Variants in CDON observed in about 807,000 individuals in gnomAD.
The protein encoded by CDON is cell adhesion molecule-related/down-regulated by oncogenes.
Under a neutral mutation model 120.9 loss-of-function variants are expected in CDON, and 73 were observed. The ratio of observed to expected loss-of-function variants is 0.60; its 90% CI spans 0.50 to 0.73. CDON has a LOEUF of 0.73. Ranked by LOEUF, CDON falls within the 30% of genes least tolerant of loss-of-function variation. The pLI is 0.00. For synonymous variants in CDON, 566 were observed against 573.5 expected, an observed-to-expected ratio of 0.99 and a Z score of 0.19; for missense variants, 1,470 against 1,587.3, an observed-to-expected ratio of 0.93 and a Z score of 1.26.
intron 7 of CDON, 100 bp downstream of exon 7, chr11:126,015,141 G>A (rs549463852): frequency 1.3e-4 from 152 of 1,157,646 alleles, no homozygotes; most frequent in Admixed American, 2.1e-4. Flanking sequence ...TACGGTGCTA[G>A]GGTTATTTTC....
intron 2 of CDON, 107 bp downstream of exon 2, chr11:126,023,294 C>T (rs1044173392): frequency 1.6e-5 from 13 of 828,572 alleles, no homozygotes; most frequent in Non-Finnish European, 2.6e-5. Flanking sequence ...ATCTTAGAAA[C>T]ATCTTTAGAT....
intron 14 of CDON, among the ~76,000 whole-genome samples, chr11:125,992,674 T>C (rs1946664999): frequency 6.6e-6 from 1 of 152,226 alleles, no homozygotes; most frequent in African/African-American, 2.4e-5. Context: ...AATTGGATCA[T>C]AAATTTCTCA....
intron 2 of CDON, 113 bp from the exon 3 acceptor site, chr11:126,021,633 T>G (rs924440526): frequency 1.1e-6 from 1 of 912,552 alleles, no homozygotes; most frequent in Non-Finnish European, 1.6e-6. Context: ...GGCAATCTTT[T>G]ATTTTATATA....
intron 18 of CDON, among the ~76,000 whole-genome samples, chr11:125,966,390 C>A (rs1945800742): frequency 6.6e-6 from 1 of 152,150 alleles, no homozygotes; most frequent in African/African-American, 2.4e-5. Flanking sequence ...ATGCTGGGCA[C>A]AGGCGAACAG....
rs375889178 is a variant in CDON, at chr11:126,005,839, G to A, written c.1771C>T (p.Pro591Ser). The A allele has an allele frequency of 6.6e-5, 106 of 1,614,008 alleles. No individual in the cohort carries two copies. The highest frequency in any genetic ancestry group is 8.8e-5 in the Non-Finnish European group (104 of 1,180,018). Residue 591 changes from proline to serine, a missense_variant, in exon 9 of 20, where the codon CCA (proline) becomes TCA (serine). Physicochemically the swap from Pro to Ser is moderately conservative, Grantham distance 74 (BLOSUM62 -1). Transcript: ENST00000531738. ...IILSPPQTHT[P>S]DTYNLVWRAG... is the part of the protein sequence containing the mutation. ...CTCCACACCAGGTTGTACGTGTCTG[G>A]TGTGTGGGTCTGTGGGGGGCTCAGT...
intron 14 of CDON, among the ~76,000 whole-genome samples, chr11:125,990,137 C>T (rs889159003): frequency 3.7e-4 from 57 of 152,252 alleles, no homozygotes; most frequent in African/African-American, 1.3e-3. Flanking sequence ...CCATGTTCCC[C>T]CACCAAAAAG....
At position 126,001,828 on chromosome 11, in the gene CDON, GT is replaced by G. The variant is rs746666095; in HGVS notation, c.2048del (p.Asn683ThrfsTer79). ...TSKEKTASSK[N>X]TQASSPPVGI... Reference sequence around the variant, plus strand: ...CCACGGGTGGAGAGGATGCCTGGGTGTTTTTTGATGACGCTGTTTTTTCTAG... The same window carrying G: ...CCACGGGTGGAGAGGATGCCTGGGTGTTTTTGATGACGCTGTTTTTTCTAG... On this transcript the variant is annotated frameshift_variant, in exon 11 of 20. Coordinates refer to ENST00000531738, the MANE Select transcript of CDON (RefSeq NM_001378964.1). LOFTEE classifies it high-confidence loss of function. 1 of 1,605,576 alleles carries G rather than the reference GT, an allele frequency of 6.2e-7. No homozygotes were observed. The highest frequency in any genetic ancestry group is 8.5e-7 in the Non-Finnish European group (1 of 1,172,174).
At chr11:126,012,813 C>T (rs912157007) in intron 7 of CDON, among the ~76,000 whole-genome samples, 2 of 152,174 alleles carry the variant, frequency 1.3e-5, no homozygotes, top group African/African-American at 4.8e-5. Context: ...ATCATAATGG[C>T]CAGCAAACTA....
intron 1 of CDON, among the ~76,000 whole-genome samples, chr11:126,025,329 A>C (rs1314154052): frequency 6.6e-6 from 1 of 152,228 alleles, no homozygotes; most frequent in African/African-American, 2.4e-5. Context: ...AGGACTACTG[A>C]AGGTCATTGG....
chr11:125,995,991 A>T (rs568190400), intron 12 of CDON, among the ~76,000 whole-genome samples: 1 of 152,144 alleles, frequency 6.6e-6, no homozygotes. Flanking sequence ...TCTTGTGGGG[A>T]GGGGAGGGTT....
chr11:125,993,543 G>A (rs1479958332), intron 14 of CDON, among the ~76,000 whole-genome samples: 1 of 152,186 alleles, frequency 6.6e-6, no homozygotes, highest in Non-Finnish European at 1.5e-5. Flanking sequence ...GAAGTTATGG[G>A]GAAGAGTTCA....
intron 1 of CDON, among the ~76,000 whole-genome samples, chr11:126,024,865 T>A (rs925640527): frequency 6.6e-6 from 1 of 152,060 alleles, no homozygotes; most frequent in African/African-American, 2.4e-5. Context: ...TCAGCAGAGG[T>A]AGTGAATGAA....
At position 126,051,579 on chromosome 11, in the gene CDON, T is replaced by C. The variant is rs181269289; in HGVS notation, c.-62+11000A>G. ...TGTATTGTATAATTAAAACCCCCACTGCACCTGCTGTCATAATAACAAATG... is the reference window on the plus strand; with the variant it reads ...TGTATTGTATAATTAAAACCCCCACCGCACCTGCTGTCATAATAACAAATG... On this transcript the variant is annotated intron_variant, in intron 1 of 19. Coordinates refer to ENST00000531738, the MANE Select transcript of CDON (RefSeq NM_001378964.1). 3.9e-3 allele frequency among the ~76,000 whole-genome samples: 601 copies of C among 152,190 alleles called. 4 individuals carry two copies. Among genetic ancestry groups the C allele is most frequent in the Non-Finnish European group, 6.8e-3 (461 of 67,996 alleles).
rs368872954 is a variant in CDON at position 125,995,111 on chromosome 11, T to C, written c.2363-59A>G. 64 of 1,462,268 alleles carry C rather than the reference T, an allele frequency of 4.4e-5. No individual in the cohort carries two copies. The East Asian group carries it at 9.7e-4, about 22-fold the overall frequency. 90.6% of individuals were successfully genotyped at this position (1,462,268 alleles called of 1,614,324 possible). On this transcript the variant is annotated intron_variant, in intron 12 of 19. Coordinates refer to ENST00000531738, the MANE Select transcript of CDON (RefSeq NM_001378964.1). ...CAACAAAAACATAACTAAGAAAAGCTATAATAAGACAACTAAAGGCAGAAT... is the reference window on the plus strand; with the variant it reads ...CAACAAAAACATAACTAAGAAAAGCCATAATAAGACAACTAAAGGCAGAAT...
chr11:126,018,588 G>T (rs949783980), intron 4 of CDON, 115 bp from the exon 5 acceptor site: 2 of 916,634 alleles, frequency 2.2e-6, no homozygotes, highest in Non-Finnish European at 1.7e-6. Context: ...TTATTTTAGA[G>T]ATGGGGGTCT....
At chr11:126,031,419 C>A (rs1261066643) in intron 1 of CDON, among the ~76,000 whole-genome samples, 2 of 152,136 alleles carry the variant, frequency 1.3e-5, no homozygotes, top group Non-Finnish European at 2.9e-5. Context: ...CTAAAGAAAA[C>A]ACTCTAAAAA....
intron 1 of CDON, among the ~76,000 whole-genome samples, chr11:126,061,953 T>C (rs1238798960): frequency 6.6e-6 from 1 of 152,176 alleles, no homozygotes; most frequent in Non-Finnish European, 1.5e-5. Flanking sequence ...GATTTATTGC[T>C]GAAATTCCTA....
At chr11:125,981,021 G>C in intron 17 of CDON, 28 bp downstream of exon 17, 1 of 1,612,758 alleles carries the variant, frequency 6.2e-7, no homozygotes, top group South Asian at 1.1e-5. Flanking sequence ...GGGACAGAGG[G>C]GCTTTTATTT....
At chr11:126,023,279 A>G in intron 2 of CDON, 122 bp downstream of exon 2, 1 of 810,862 alleles carries the variant, frequency 1.2e-6, no homozygotes, top group Non-Finnish European at 2.2e-6. Context: ...TAGTTGGTCA[A>G]ACCAATCTTA....
Sources: gnomAD v4.1 joint callset for allele counts (sites outside exome capture counted in the v4.1 genomes callset) on GRCh38, gnomAD v4.1.1 for gene constraint, MANE v1.5 for transcripts, NCBI Gene and HGNC (gene_info 2026-07-23, HGNC 2026-07-21) for gene names.